The following IGF1 variants were observed in gnomAD, a reference collection of about 807,000 sequenced individuals.
IGF1 encodes insulin-like growth factor 1.
In IGF1, 4 loss-of-function variants were observed where a neutral mutation model predicts 13.8. The ratio of observed to expected loss-of-function variants is 0.29; its 90% CI spans 0.14 to 0.66. IGF1 has a LOEUF of 0.66. IGF1 is among the 30% of genes least tolerant of loss of function. The pLI is 0.78. For synonymous variants in IGF1, 76 were observed against 72.6 expected, an observed-to-expected ratio of 1.05 and a Z score of -0.23; for missense variants, 124 against 188.5, an observed-to-expected ratio of 0.66 and a Z score of 2.00.
chr12:102,439,925 A>C (rs1163260879), intron 2 of IGF1, among the ~76,000 whole-genome samples: 1 of 152,164 alleles, frequency 6.6e-6, no homozygotes, highest in Non-Finnish European at 1.5e-5. Context: ...AACATCGGGA[A>C]GAATTTCTTG....
At chr12:102,418,139 A>AC in intron 3 of IGF1, 1 of 822,592 alleles carries the variant, frequency 1.2e-6, no homozygotes, top group South Asian at 2.1e-5. Flanking sequence ...GACCTCAGTC[A>AC]CAAGACCCAC....
At chr12:102,464,380 AT>A (rs1371638958) in intron 2 of IGF1, among the ~76,000 whole-genome samples, 1 of 150,978 alleles carries the variant, frequency 6.6e-6, no homozygotes, top group Non-Finnish European at 1.5e-5. Context: ...CATGGTATAT[AT>A]TCTGGGGACT....
intron 2 of IGF1, among the ~76,000 whole-genome samples, chr12:102,456,264 GTGTA>G (rs745363127): frequency 2.9e-5 from 4 of 138,984 alleles, no homozygotes; most frequent in East Asian, 2.1e-4. Flanking sequence ...GTGTGTGTGT[GTGTA>G]TTGTCTAATC....
chr12:102,413,716 A>C (rs1009352149), intron 3 of IGF1, among the ~76,000 whole-genome samples: 1 of 152,184 alleles, frequency 6.6e-6, no homozygotes, highest in African/African-American at 2.4e-5. Context: ...TCATACTACA[A>C]TTAAATTTTC....
At chr12:102,478,597 G>T in intron 1 of IGF1, 1 of 1,555,410 alleles carries the variant, frequency 6.4e-7, no homozygotes, top group Admixed American at 1.9e-5. Context: ...GTGCTGCTTT[G>T]TGGGTGGGGT....
At chr12:102,409,590 A>T (rs1054200583) in intron 3 of IGF1, among the ~76,000 whole-genome samples, 1 of 152,198 alleles carries the variant, frequency 6.6e-6, no homozygotes, top group Non-Finnish European at 1.5e-5. Context: ...TACAAGTGAC[A>T]GATTGTATAT....
chr12:102,413,631 GC>G (rs1874831480), intron 3 of IGF1, among the ~76,000 whole-genome samples: 1 of 152,204 alleles, frequency 6.6e-6, no homozygotes, highest in Non-Finnish European at 1.5e-5. Flanking sequence ...TGTCCCGGAA[GC>G]TGTGTGAGCC....
chr12:102,430,544 A>G (rs1416171451), intron 2 of IGF1, among the ~76,000 whole-genome samples: 1 of 152,242 alleles, frequency 6.6e-6, no homozygotes, highest in Non-Finnish European at 1.5e-5. Flanking sequence ...GAGAGAATGT[A>G]GACAGAGCTA....
intron 2 of IGF1, among the ~76,000 whole-genome samples, chr12:102,450,262 C>T (rs550507804): frequency 1.3e-5 from 2 of 152,246 alleles, no homozygotes; most frequent in Non-Finnish European, 2.9e-5. Context: ...AATCTCCCTA[C>T]TTTTATGCGA....
chr12:102,416,659 T>A (rs965706960), intron 3 of IGF1, among the ~76,000 whole-genome samples: 1 of 152,162 alleles, frequency 6.6e-6, no homozygotes, highest in Non-Finnish European at 1.5e-5. Context: ...GGGGTTCTCA[T>A]GGAGCAGAAA....
intron 3 of IGF1, among the ~76,000 whole-genome samples, chr12:102,415,058 G>C (rs1038713727): frequency 6.6e-6 from 1 of 152,216 alleles, no homozygotes; most frequent in Non-Finnish European, 1.5e-5. Flanking sequence ...AATTTGGCCA[G>C]CGAAGGAAAT....
At chr12:102,413,626 C>T (rs1200533270) in intron 3 of IGF1, among the ~76,000 whole-genome samples, 4 of 152,144 alleles carry the variant, frequency 2.6e-5, no homozygotes, top group South Asian at 2.1e-4. Flanking sequence ...TAAAGTGTCC[C>T]GGAAGCTGTG....
intron 3 of IGF1, among the ~76,000 whole-genome samples, chr12:102,412,028 T>C (rs778320763): frequency 5.9e-5 from 9 of 152,146 alleles, no homozygotes; most frequent in Non-Finnish European, 8.8e-5. Context: ...AAATTGCAAA[T>C]TGGTTCTATA....
Position 102,459,914 on chromosome 12 carries a change from G to C in IGF1, c.220+15729C>G, listed in dbSNP as rs534441336. Among the ~76,000 whole-genome samples the C allele has an allele frequency of 2.6e-5, 4 of 152,276 alleles. No homozygotes were observed. In the South Asian group the frequency reaches 8.3e-4, roughly 32 times the overall value. On this transcript the variant is annotated intron_variant, in intron 2 of 3. Transcript: ENST00000337514. ...AGAACAAAGGCAATAGATATGTCTT[G>C]AACGTAATAAAATAGACAAGCGTAT...
chr12:102,419,645 G>C lies in IGF1; in HGVS notation c.266C>G (p.Thr89Arg), dbSNP rs1235583577. 1 of 1,613,354 alleles carries C rather than the reference G, an allele frequency of 6.2e-7. No individual in the cohort carries two copies. The highest frequency in any genetic ancestry group is 1.3e-5 in the African/African-American group (1 of 74,916). ...YGSSSRRAPQ[T>R]GIVDECCFRS... ...GAAGCAGCACTCATCCACGATGCCT[G>C]TCTGAGGCGCCCTCCGACTGCTGGA... The change falls in exon 3 of 4, where the codon ACA becomes AGA. Residue 89 changes from threonine (T) to arginine (R), a missense_variant. Physicochemically the swap from Thr to Arg is moderately conservative, Grantham distance 71. Transcript: ENST00000337514.
chr12:102,466,903 C>A (rs546216308), intron 2 of IGF1, among the ~76,000 whole-genome samples: 3 of 152,100 alleles, frequency 2.0e-5, no homozygotes, highest in African/African-American at 7.2e-5. Flanking sequence ...GAGACCCTGT[C>A]TCAAAAAAAC....
intron 1 of IGF1, among the ~76,000 whole-genome samples, chr12:102,477,998 T>C (rs1201112577): frequency 3.4e-4 from 2 of 5,800 alleles, no homozygotes; most frequent in Non-Finnish European, 6.9e-4. Context: ...TCTCTTTTTC[T>C]TTTTTTTTTT....
At chr12:102,481,029 G>T (rs61107343), upstream of IGF1, among the ~76,000 whole-genome samples, 918 of 152,280 alleles carry the variant, frequency 6.0e-3, 2 homozygotes, top group Non-Finnish European at 0.01. Context: ...AGTGACTGGG[G>T]TAAAGTAGAT....
At chr12:102,405,959 A>C (rs577168756) in intron 3 of IGF1, among the ~76,000 whole-genome samples, 55 of 152,372 alleles carry the variant, frequency 3.6e-4, no homozygotes, top group African/African-American at 1.3e-3. Context: ...CACAAGGTAT[A>C]AAGTGTAAAG....
Sources: allele counts gnomAD v4.1 joint callset (sites outside exome capture counted in the v4.1 genomes callset), GRCh38; gene constraint gnomAD v4.1.1; transcripts MANE v1.5; gene names NCBI Gene and HGNC (gene_info 2026-07-23, HGNC 2026-07-21).